Variants in CLEC16A observed in about 807,000 individuals in gnomAD.
CLEC16A encodes the protein C-type lectin domain containing 16A.
In CLEC16A, 51 loss-of-function variants were observed where a neutral mutation model predicts 109.5. The observed-to-expected ratio is 0.47, with a 90% CI of 0.37 to 0.59. The LOEUF is 0.59. Among genes scored for constraint, CLEC16A ranks in the 20% least tolerant of loss-of-function variants. The pLI is 0.00. For missense variants in CLEC16A, 1,339 were observed against 1,394.0 expected, an observed-to-expected ratio of 0.96 and a Z score of 0.63; for synonymous variants, 673 against 564.2, an observed-to-expected ratio of 1.19 and a Z score of -2.73.
intron 22 of CLEC16A, among the ~76,000 whole-genome samples, chr16:11,135,495 T>C (rs2053505168): frequency 6.6e-6 from 1 of 152,152 alleles, no homozygotes; most frequent in African/African-American, 2.4e-5. Flanking sequence ...GCCCAGATGC[T>C]TTTCTGGGAG....
chr16:10,945,466 C>G (rs953902048), intron 1 of CLEC16A, among the ~76,000 whole-genome samples: 7 of 152,124 alleles, frequency 4.6e-5, no homozygotes, highest in Non-Finnish European at 8.8e-5. Context: ...GGGAATGACT[C>G]TACAGCTCTG....
intron 1 of CLEC16A, among the ~76,000 whole-genome samples, chr16:10,948,546 C>A (rs1435857693): frequency 2.6e-5 from 4 of 152,206 alleles, no homozygotes; most frequent in Non-Finnish European, 4.4e-5. Context: ...CGTTTGATTG[C>A]TACTGAAACA....
chr16:11,104,036 C>T (rs1425067334), intron 19 of CLEC16A, among the ~76,000 whole-genome samples: 2 of 152,134 alleles, frequency 1.3e-5, no homozygotes, highest in Non-Finnish European at 2.9e-5. Context: ...CCAGGATCCC[C>T]CACAGATGTG....
At chr16:11,157,842 T>G (rs533817809) in intron 22 of CLEC16A, among the ~76,000 whole-genome samples, 3 of 152,094 alleles carry the variant, frequency 2.0e-5, no homozygotes, top group Non-Finnish European at 2.9e-5. Flanking sequence ...TTTCCTAGGG[T>G]AGCCCCCCAC....
chr16:11,162,878 A>AT lies in CLEC16A; in HGVS notation c.2642-3509dup, dbSNP rs536163801. On this transcript the variant is annotated intron_variant, in intron 22 of 23. Transcript: ENST00000409790. ...CCCACAGTGTCGTCTGCAGCATGGG[A>AT]TGCTGCAGGTGTGGAATTGGTCAGA... Among the ~76,000 whole-genome samples, 561 of 152,094 alleles carry AT rather than the reference A, an allele frequency of 3.7e-3. 3 individuals carry two copies. Among genetic ancestry groups the AT allele is most frequent in the Non-Finnish European group, 6.0e-3 (409 of 67,980 alleles).
At chr16:11,083,778 C>T (rs577930609) in intron 19 of CLEC16A, among the ~76,000 whole-genome samples, 60 of 152,384 alleles carry the variant, frequency 3.9e-4, no homozygotes, top group African/African-American at 1.4e-3. Context: ...CCTCCTGCTG[C>T]CTGTGGCGCT....
chr16:11,099,715 G>C (rs1216736238), intron 19 of CLEC16A, among the ~76,000 whole-genome samples: 1 of 152,238 alleles, frequency 6.6e-6, no homozygotes, highest in Non-Finnish European at 1.5e-5. Flanking sequence ...TGAAAGCCCA[G>C]ATTTGTGTGG....
chr16:11,165,982 C>G (rs925748350), intron 22 of CLEC16A, among the ~76,000 whole-genome samples: 2 of 152,206 alleles, frequency 1.3e-5, no homozygotes, highest in Non-Finnish European at 2.9e-5. Context: ...AGCATGGGTC[C>G]GGTGCCCTTC....
chr16:11,061,367 A>G (rs1192342361), intron 19 of CLEC16A, among the ~76,000 whole-genome samples: 2 of 152,158 alleles, frequency 1.3e-5, no homozygotes, highest in Non-Finnish European at 2.9e-5. Context: ...TATATTAAGC[A>G]TTTTCTATAT....
At chr16:10,999,725 T>C (rs1407726620) in intron 10 of CLEC16A, among the ~76,000 whole-genome samples, 8 of 152,252 alleles carry the variant, frequency 5.3e-5, no homozygotes, top group Non-Finnish European at 1.0e-4. Flanking sequence ...AGTTTTAAAA[T>C]TCATTCTTGC....
rs374706687 is a variant in CLEC16A, at chr16:11,129,798, T to G, written c.2641+3652T>G. Among the ~76,000 whole-genome samples, 486 of 150,098 alleles carry G rather than the reference T, an allele frequency of 3.2e-3. 1 individual carries two copies. Among genetic ancestry groups the G allele is most frequent in the African/African-American group, 0.011 (459 of 40,336 alleles). ...TTTTTTTTGAGATGGAGTCTCTCTC[T>G]GTCGCCCAGGCTGGGGTGCAGTGGC... On this transcript the variant is annotated intron_variant, in intron 22 of 23. Coordinates refer to ENST00000409790, the MANE Select transcript of CLEC16A (RefSeq NM_015226.3).
chr16:11,084,778 C>T (rs1166260564), intron 19 of CLEC16A, among the ~76,000 whole-genome samples: 1 of 152,174 alleles, frequency 6.6e-6, no homozygotes, highest in Non-Finnish European at 1.5e-5. Flanking sequence ...ACCTGGTGCC[C>T]CTTCCATTCC....
intron 22 of CLEC16A, among the ~76,000 whole-genome samples, chr16:11,135,696 A>C (rs1381137125): frequency 6.6e-6 from 1 of 152,248 alleles, no homozygotes; most frequent in African/African-American, 2.4e-5. Flanking sequence ...GGGAGAGAAC[A>C]AACCCCATAT....
chr16:11,004,431 G>C (rs2044865549), intron 11 of CLEC16A, among the ~76,000 whole-genome samples: 1 of 152,166 alleles, frequency 6.6e-6, no homozygotes, highest in Non-Finnish European at 1.5e-5. Flanking sequence ...CATCTCCTCA[G>C]CAGTCTGGTT....
chr16:10,984,774 A>G (rs1444113473), intron 10 of CLEC16A, among the ~76,000 whole-genome samples: 1 of 152,264 alleles, frequency 6.6e-6, no homozygotes, highest in Non-Finnish European at 1.5e-5. Flanking sequence ...CTGAGTCAGC[A>G]GAATCAGCAG....
chr16:11,011,057 A>G (rs113246906), intron 11 of CLEC16A, among the ~76,000 whole-genome samples: 117 of 152,324 alleles, frequency 7.7e-4, no homozygotes, highest in African/African-American at 2.7e-3. Context: ...CGTTTTGGTC[A>G]CATGACTAAG....
At chr16:11,049,771 A>C (rs1222975797) in intron 17 of CLEC16A, among the ~76,000 whole-genome samples, 1 of 152,208 alleles carries the variant, frequency 6.6e-6, no homozygotes, top group Non-Finnish European at 1.5e-5. Context: ...TGCCCCCAGC[A>C]GGCCTGAGGG....
rs139503231 is a variant in CLEC16A, at chr16:11,178,893, G to T, written c.*203G>T. On this transcript the variant is annotated 3_prime_UTR_variant, in exon 24 of 24. Coordinates refer to ENST00000409790, the MANE Select transcript of CLEC16A (RefSeq NM_015226.3). This position sits in a 1 kb window ranked among gnomAD's most constrained non-coding sequence, Gnocchi z 6.5. ...TTTTTCACTTTGCATCTCTTCACGT[G>T]CAGGCTGGGACCAGCGGAGACACCG... 1.9e-6 allele frequency: 1 copy of T among 534,730 alleles called. No individual in the cohort carries two copies. Among genetic ancestry groups the T allele is most frequent in the Admixed American group, 3.6e-5 (1 of 27,652 alleles). The allele number at this position is 534,730 out of a possible 1,614,324, so 33.1% of individuals were successfully genotyped here.
intron 13 of CLEC16A, among the ~76,000 whole-genome samples, chr16:11,035,895 T>C (rs1400595146): frequency 6.6e-6 from 1 of 152,172 alleles, no homozygotes; most frequent in African/African-American, 2.4e-5. Flanking sequence ...GAGAGGATTT[T>C]AAAGGCCATG....
Sources: allele counts gnomAD v4.1 joint callset (sites outside exome capture counted in the v4.1 genomes callset), GRCh38; gene constraint gnomAD v4.1.1; non-coding constraint Gnocchi (gnomAD v3.1); transcripts MANE v1.5; gene names NCBI Gene and HGNC (gene_info 2026-07-23, HGNC 2026-07-21).